OCIAD1: variants seen among roughly 807,000 people sequenced by gnomAD.
The protein encoded by OCIAD1 is OCIA domain-containing protein 1.
In OCIAD1, 29 loss-of-function variants were observed where a neutral mutation model predicts 38.9. The ratio of observed to expected loss-of-function variants is 0.74; its 90% CI spans 0.55 to 1.02. The LOEUF is 1.02. Among genes scored for constraint, OCIAD1 ranks in the 50% least tolerant of loss-of-function variants. The pLI, the probability that OCIAD1 is intolerant of heterozygous loss-of-function variation, is 0.00. For synonymous variants in OCIAD1, 110 were observed against 92.0 expected (o/e 1.20, Z -1.12); for missense variants, 288 against 289.6 (o/e 0.99, Z 0.04).
intron 3 of OCIAD1, among the ~76,000 whole-genome samples, chr4:48,835,770 T>G (rs1318808479): frequency 6.6e-6 from 1 of 152,148 alleles, no homozygotes; most frequent in African/African-American, 2.4e-5. Context: ...GAGGATCGCC[T>G]GAGACCAGGA....
rs565534114 is a variant in OCIAD1 at position 48,836,300 on chromosome 4, G to T, written c.139+2819G>T. Among the ~76,000 whole-genome samples the T allele has an allele frequency of 3.9e-5, 6 of 152,232 alleles. 1 individual carries two copies. The South Asian group carries it at 1.0e-3, about 26-fold the overall frequency. On this transcript the variant is annotated intron_variant, in intron 3 of 8. Coordinates refer to ENST00000264312, the MANE Select transcript of OCIAD1 (RefSeq NM_017830.4). ...AATAAAAGGATTTTTTAAAAAGTTC[G>T]ACTAAGGGGGAATGAAGGAATGGTA...
Position 48,805,729 on chromosome 4 carries a change from C to T in OCIAD1, c.-103+399C>T, listed in dbSNP as rs868861054. On this transcript the variant is annotated intron_variant, in intron 1 of 6. Coordinates refer to the OCIAD1 transcript ENST00000504654. ...TCAGAAATCTCTCTTGTCCCTTTTA[C>T]GCAAATTTTCCTTTGTATTCTATAT... is the stretch of plus-strand genomic sequence containing the variant. 1.3e-4 allele frequency among the ~76,000 whole-genome samples: 20 copies of T among 151,294 alleles called. No individual in the cohort carries two copies. In the South Asian group the frequency reaches 3.3e-3, roughly 25 times the overall value.
chr4:48,848,427 T>C lies in OCIAD1; in HGVS notation c.222T>C (p.Gly74=). Residue 74 remains glycine, a synonymous_variant, in exon 5 of 9, where the codon GGT becomes GGC. Coordinates refer to ENST00000264312, the MANE Select transcript of OCIAD1 (RefSeq NM_017830.4). The part of the protein sequence containing the change: ...KGILSSHPKY[G]SIPKLILACI... ...TACTTTCAAGTCATCCCAAATATGG[T>C]TCCATCCCTAAACTTATACGTAAGT... 1 of 1,502,434 alleles carries C rather than the reference T, an allele frequency of 6.7e-7. No homozygotes were observed. Among genetic ancestry groups the C allele is most frequent in the Non-Finnish European group, 9.2e-7 (1 of 1,084,374 alleles). 93.1% of individuals were successfully genotyped at this position (1,502,434 alleles called of 1,614,324 possible). A position where few individuals can be genotyped will look rare whatever the true frequency, so the allele number is the denominator to read the frequency against.
chr4:48,848,898 T>C (rs543125931), intron 5 of OCIAD1, among the ~76,000 whole-genome samples: 45 of 152,286 alleles, frequency 3.0e-4, no homozygotes, highest in Middle Eastern at 6.8e-3. Context: ...AGAAGCTACA[T>C]TGCCCATCAA....
intron 4 of OCIAD1, among the ~76,000 whole-genome samples, chr4:48,848,142 CACAT>C (rs1779126245): frequency 6.6e-6 from 1 of 151,828 alleles, no homozygotes; most frequent in African/African-American, 2.4e-5. Flanking sequence ...CATACACACA[CACAT>C]ATATATTTGG....
intron 1 of OCIAD1, among the ~76,000 whole-genome samples, chr4:48,814,330 T>C (rs1252532057): frequency 6.6e-6 from 1 of 151,752 alleles, no homozygotes; most frequent in Non-Finnish European, 1.5e-5. Context: ...AAGCCTTTTT[T>C]TTTTTTTTTC....
chr4:48,845,565 A>G (rs1483187895), intron 4 of OCIAD1, among the ~76,000 whole-genome samples: 2 of 152,182 alleles, frequency 1.3e-5, no homozygotes, highest in African/African-American at 4.8e-5. Context: ...AAAATTCATT[A>G]ACTCTTGGTG....
At position 48,860,794 on chromosome 4, in the gene OCIAD1, AAC is replaced by A; in HGVS notation, c.*34_*35del. On this transcript the variant is annotated 3_prime_UTR_variant, in exon 9 of 9. Transcript: ENST00000264312. ...ACATCATTGGACATGAAGGAGTTTC[AAC>A]ATCCAGCTTCATCTAGGTGGTCATG... 3.3e-6 allele frequency: 5 copies of A among 1,536,112 alleles called. No individual in the cohort carries two copies. Among genetic ancestry groups the A allele is most frequent in the Non-Finnish European group, 4.5e-6 (5 of 1,110,476 alleles).
intron 3 of OCIAD1, among the ~76,000 whole-genome samples, chr4:48,842,312 A>G (rs1337409605): frequency 6.6e-6 from 1 of 152,158 alleles, no homozygotes; most frequent in Non-Finnish European, 1.5e-5. Context: ...CCCTTCTCTT[A>G]CTTCAGAAGT....
chr4:48,820,037 T>C (rs1309651665), intron 1 of OCIAD1, among the ~76,000 whole-genome samples: 1 of 152,186 alleles, frequency 6.6e-6, no homozygotes, highest in African/African-American at 2.4e-5. Flanking sequence ...AATTCAGCTC[T>C]GGACCAATGG....
intron 8 of OCIAD1, among the ~76,000 whole-genome samples, chr4:48,858,158 T>TC (rs539752727): frequency 6.6e-4 from 99 of 150,084 alleles, no homozygotes; most frequent in Non-Finnish European, 1.2e-3. Context: ...TGTTCCCCCC[T>TC]CCCCCCGCCA....
chr4:48,817,637 G>C (rs1402079591), intron 1 of OCIAD1, among the ~76,000 whole-genome samples: 1 of 152,210 alleles, frequency 6.6e-6, no homozygotes, highest in Non-Finnish European at 1.5e-5. Context: ...TAGCTCAGTG[G>C]GTTCCACTTC....
intron 5 of OCIAD1, among the ~76,000 whole-genome samples, chr4:48,849,256 G>A (rs1374715966): frequency 6.6e-6 from 1 of 151,478 alleles, no homozygotes; most frequent in Non-Finnish European, 1.5e-5. Context: ...TAACAAACCT[G>A]CACATTATGC....
At chr4:48,859,190 G>C (rs1448600082) in intron 8 of OCIAD1, among the ~76,000 whole-genome samples, 1 of 151,322 alleles carries the variant, frequency 6.6e-6, no homozygotes, top group Non-Finnish European at 1.5e-5. Flanking sequence ...TTATAACAAT[G>C]ATAGATAATA....
At chr4:48,832,801 A>G in intron 2 of OCIAD1, 119 bp downstream of exon 2, 1 of 736,060 alleles carries the variant, frequency 1.4e-6, no homozygotes, top group East Asian at 2.5e-5. Context: ...AGCGCCCCAT[A>G]CTTGGTTTCA....
intron 1 of OCIAD1, among the ~76,000 whole-genome samples, chr4:48,822,500 CT>C (rs1166160113): frequency 1.3e-5 from 2 of 152,138 alleles, no homozygotes; most frequent in Non-Finnish European, 1.5e-5. Flanking sequence ...GACTTCATGA[CT>C]AAAACACAAA....
At chr4:48,856,759 TAG>T (rs1453382747) in intron 7 of OCIAD1, 2 of 152,172 alleles carry the variant, frequency 1.3e-5, no homozygotes. Context: ...GTTGTTTTCA[TAG>T]AGTCTGTGGT....
chr4:48,856,375 T>C (rs1242413051), intron 7 of OCIAD1: 1 of 152,230 alleles, frequency 6.6e-6, no homozygotes, highest in African/African-American at 2.4e-5. Flanking sequence ...ACTTTTCAAG[T>C]AATTATTTTC....
chr4:48,815,810 A>C (rs768792684), intron 1 of OCIAD1, among the ~76,000 whole-genome samples: 1 of 152,186 alleles, frequency 6.6e-6, no homozygotes, highest in Non-Finnish European at 1.5e-5. Context: ...TTTGTGGCCA[A>C]GGCATAAATT....
Sources: gnomAD v4.1 joint callset for allele counts (sites outside exome capture counted in the v4.1 genomes callset) on GRCh38, gnomAD v4.1.1 for gene constraint, MANE v1.5 for transcripts, NCBI Gene and HGNC (gene_info 2026-07-23, HGNC 2026-07-21) for gene names.